Variants in NBAS observed in about 807,000 individuals in gnomAD.
The protein encoded by NBAS is NAG/BC035112 fusion.
A neutral mutation model predicts 302.5 loss-of-function variants in NBAS; 219 were observed. That is an observed-to-expected ratio of 0.72 (90% CI 0.65 to 0.81). The LOEUF (loss-of-function observed/expected upper bound fraction) is 0.81. Ranked by LOEUF, NBAS falls within the 30% of genes least tolerant of loss-of-function variation. NBAS has a pLI of 0.00. For synonymous variants in NBAS, 1,118 were observed against 1,021.6 expected, an observed-to-expected ratio of 1.09 and a Z score of -1.80; for missense variants, 2,932 against 2,841.6, an observed-to-expected ratio of 1.03 and a Z score of -0.72.
chr2:15,327,951 G>A, intron 37 of NBAS, 81 bp from the exon 38 acceptor site: 2 of 1,555,816 alleles, frequency 1.3e-6, no homozygotes, highest in Non-Finnish European at 1.8e-6. Context: ...ATTATAGGAT[G>A]TTATGTTTTC....
the NBAS span, among the ~76,000 whole-genome samples, chr2:15,071,529 C>T: frequency 1.4e-4 from 21 of 149,692 alleles, no homozygotes; most frequent in Middle Eastern, 6.9e-3. Context: ...GGGACTGAGG[C>T]AGAAGAATCG....
chr2:14,827,326 T>G, the NBAS span, among the ~76,000 whole-genome samples: 1 of 152,222 alleles, frequency 6.6e-6, no homozygotes, highest in Admixed American at 6.5e-5. Flanking sequence ...CTGTATGTAG[T>G]TTGTAAACAT....
the NBAS span, among the ~76,000 whole-genome samples, chr2:14,938,254 A>G: frequency 6.6e-6 from 1 of 152,236 alleles, no homozygotes; most frequent in Non-Finnish European, 1.5e-5. Context: ...TTACTAATAA[A>G]TTTACAACTC....
the NBAS span, among the ~76,000 whole-genome samples, chr2:14,996,392 C>T: frequency 6.6e-6 from 1 of 152,212 alleles, no homozygotes; most frequent in African/African-American, 2.4e-5. Flanking sequence ...TCCAGAGGCA[C>T]AGAGCGAATG....
chr2:15,432,847 GA>G lies in NBAS; in HGVS notation c.2340-5054del, dbSNP rs1041936325. 3.2e-4 allele frequency among the ~76,000 whole-genome samples: 48 copies of G among 151,962 alleles called. No individual in the cohort carries two copies. The East Asian group carries it at 8.9e-3, about 28-fold the overall frequency. The stretch of plus-strand genomic sequence containing the variant: ...TAGTTATCACTCATAACACCAAGTC[GA>G]AAAAAAAGCTGTCCGAAGGCATTAT... On this transcript the variant is annotated intron_variant, in intron 21 of 51. Transcript: ENST00000281513.
At chr2:15,145,362 T>C in the NBAS span, among the ~76,000 whole-genome samples, 1 of 151,752 alleles carries the variant, frequency 6.6e-6, no homozygotes, top group African/African-American at 2.4e-5. Flanking sequence ...ACATATGCCA[T>C]TACAGCAAAA....
At chr2:14,849,452 G>C in the NBAS span, among the ~76,000 whole-genome samples, 2 of 151,858 alleles carry the variant, frequency 1.3e-5, no homozygotes, top group African/African-American at 2.4e-5. Context: ...ATTTACGTCT[G>C]ATTGGTGTAC....
chr2:15,051,471 A>T, the NBAS span, among the ~76,000 whole-genome samples: 1 of 152,232 alleles, frequency 6.6e-6, no homozygotes, highest in Non-Finnish European at 1.5e-5. Context: ...CAGCTCTGCC[A>T]TTCACCAGCT....
At chr2:14,828,700 G>A in the NBAS span, among the ~76,000 whole-genome samples, 1 of 152,206 alleles carries the variant, frequency 6.6e-6, no homozygotes, top group Admixed American at 6.5e-5. Context: ...TGGTGCCTGA[G>A]TGAGGGAGTG....
At chr2:15,424,203 A>G in intron 23 of NBAS, 112 bp downstream of exon 23, 2 of 1,228,310 alleles carry the variant, frequency 1.6e-6, no homozygotes, top group South Asian at 1.2e-5. Flanking sequence ...ATCTCTTGCA[A>G]TTATATACAT....
At chr2:15,098,073 TGTATATA>T in the NBAS span, among the ~76,000 whole-genome samples, 6 of 26 alleles carry the variant, frequency 0.23, 2 homozygotes, top group Non-Finnish European at 0.3. Context: ...TATATTATAT[TGTATATA>T]TTATATTGTA....
intron 13 of NBAS, among the ~76,000 whole-genome samples, chr2:15,476,782 A>G (rs761919986): frequency 3.9e-5 from 6 of 152,242 alleles, no homozygotes; most frequent in Non-Finnish European, 8.8e-5. Context: ...AGGCAATGCC[A>G]TATTTATTAT....
At chr2:14,865,465 TAGAC>T in the NBAS span, among the ~76,000 whole-genome samples, 8 of 152,080 alleles carry the variant, frequency 5.3e-5, no homozygotes, top group Non-Finnish European at 8.8e-5. Flanking sequence ...TTCACTGTCT[TAGAC>T]AAGTCAGTAA....
intron 9 of NBAS, among the ~76,000 whole-genome samples, chr2:15,532,786 T>G (rs577572900): frequency 9.9e-5 from 15 of 151,890 alleles, no homozygotes; most frequent in African/African-American, 3.6e-4. Context: ...ACTAAACACT[T>G]GAAATTATGT....
rs780795394 is a variant in NBAS at position 15,474,062 on chromosome 2, C to T, written c.1599+5G>A. On this transcript the variant is annotated splice_donor_5th_base_variant and intron_variant, in intron 15 of 51. Transcript: ENST00000281513. Reference sequence around the variant, plus strand: ...AACTTGGGTAGTAATATGCTACTCTCTCACCTTCCTCTGATAAAGTTCCTC... The same window carrying T: ...AACTTGGGTAGTAATATGCTACTCTTTCACCTTCCTCTGATAAAGTTCCTC... The T allele has an allele frequency of 3.7e-6, 6 of 1,614,148 alleles. No homozygotes were observed. In the East Asian group the frequency reaches 1.1e-4, roughly 30 times the overall value.
Position 15,489,070 on chromosome 2 carries a change from A to C in NBAS, c.955-48T>G, listed in dbSNP as rs770040914. 5 of 1,601,692 alleles carry C rather than the reference A, an allele frequency of 3.1e-6. No homozygotes were observed. The South Asian group carries it at 3.3e-5, about 11-fold the overall frequency. On this transcript the variant is annotated intron_variant, in intron 11 of 51. Coordinates refer to ENST00000281513, the MANE Select transcript of NBAS (RefSeq NM_015909.4). The stretch of plus-strand genomic sequence containing the variant: ...GGGCAAAGGACTTATGGTCAAATGT[A>C]AATAACTCAGAAGTAAATGACACTC...
the NBAS span, among the ~76,000 whole-genome samples, chr2:14,816,478 G>T: frequency 3.3e-5 from 5 of 152,334 alleles, no homozygotes; most frequent in Non-Finnish European, 5.9e-5. Flanking sequence ...GTGCCAAAAA[G>T]GTTGGAGACT....
At chr2:15,352,685 T>G (rs569864052) in intron 34 of NBAS, among the ~76,000 whole-genome samples, 1 of 152,124 alleles carries the variant, frequency 6.6e-6, no homozygotes, top group East Asian at 1.9e-4. Context: ...GTCGTATGCA[T>G]GTTCAGCTGC....
intron 21 of NBAS, among the ~76,000 whole-genome samples, chr2:15,435,566 G>A (rs192440566): frequency 6.6e-6 from 1 of 152,242 alleles, no homozygotes; most frequent in Admixed American, 6.5e-5. Context: ...ACTTGTCCAG[G>A]GTCAAATAGC....
Sources: gnomAD v4.1 joint callset for allele counts (sites outside exome capture counted in the v4.1 genomes callset) on GRCh38, gnomAD v4.1.1 for gene constraint, MANE v1.5 for transcripts, NCBI Gene and HGNC (gene_info 2026-07-23, HGNC 2026-07-21) for gene names.